The following RAB31 variants were observed in gnomAD, a reference collection of about 807,000 sequenced individuals.
The protein encoded by RAB31 is ras-related protein Rab-31.
Under a neutral mutation model 25.6 loss-of-function variants are expected in RAB31, and 21 were observed. The ratio of observed to expected loss-of-function variants is 0.82; its 90% CI spans 0.58 to 1.18. RAB31 has a LOEUF of 1.18. RAB31 is among the 50% of genes most tolerant of loss of function. The pLI is 0.00. For synonymous variants in RAB31, 87 were observed against 84.0 expected (o/e 1.04, Z -0.20); for missense variants, 196 against 250.1 (o/e 0.78, Z 1.46).
In RAB31 at chr18:9,861,363, A is replaced by G. The variant is rs574909560; in HGVS notation, c.*2038A>G. 2 of 152,300 alleles carry G rather than the reference A, an allele frequency of 1.3e-5. No homozygotes were observed. Among genetic ancestry groups the G allele is most frequent in the East Asian group, 3.9e-4 (2 of 5,180 alleles). The allele number at this position is 152,300 out of a possible 1,614,324, so 9.4% of individuals were successfully genotyped here. Reference sequence around the variant, plus strand: ...TAGTGAGCTACCCACTAATGAGCCCATGGTTTTATTTCAGAAGCACATGAG... The same window carrying G: ...TAGTGAGCTACCCACTAATGAGCCCGTGGTTTTATTTCAGAAGCACATGAG... On this transcript the variant is annotated 3_prime_UTR_variant, in exon 7 of 7. Transcript: ENST00000578921.
At chr18:9,795,680 A>G (rs2068483519) in intron 3 of RAB31, among the ~76,000 whole-genome samples, 1 of 152,214 alleles carries the variant, frequency 6.6e-6, no homozygotes, top group Admixed American at 6.5e-5. Context: ...AAACCACAAT[A>G]TGATACGGCC....
intron 3 of RAB31, among the ~76,000 whole-genome samples, chr18:9,796,714 T>C (rs1422591081): frequency 3.3e-5 from 5 of 152,144 alleles, no homozygotes; most frequent in Admixed American, 2.6e-4. Context: ...CACTTTTTTC[T>C]TGAGTAATTT....
intron 6 of RAB31, among the ~76,000 whole-genome samples, chr18:9,853,963 C>CTTTTTTTTTTT (rs11376519): frequency 3.1e-5 from 4 of 130,802 alleles, no homozygotes; most frequent in Admixed American, 7.5e-5. Flanking sequence ...CTTTTCTTTT[C>CTTTTTTTTTTT]TTTTTTTTTT....
intron 5 of RAB31, among the ~76,000 whole-genome samples, chr18:9,825,700 C>G (rs2068646482): frequency 6.6e-6 from 1 of 152,220 alleles, no homozygotes; most frequent in African/African-American, 2.4e-5. Context: ...ATCCTGGCAT[C>G]TGTACAGGTC....
intron 2 of RAB31, among the ~76,000 whole-genome samples, chr18:9,789,761 G>A (rs1043310479): frequency 1.3e-5 from 2 of 152,070 alleles, no homozygotes; most frequent in Admixed American, 6.6e-5. Context: ...AGGTCTCCCC[G>A]GTAGTCTGGA....
At chr18:9,804,301 C>G (rs1246251326) in intron 3 of RAB31, among the ~76,000 whole-genome samples, 1 of 152,200 alleles carries the variant, frequency 6.6e-6, no homozygotes, top group Admixed American at 6.5e-5. Flanking sequence ...TAGATGAACA[C>G]CTTCCCAGGT....
intron 1 of RAB31, among the ~76,000 whole-genome samples, chr18:9,765,154 TG>T (rs2068309267): frequency 6.6e-6 from 1 of 152,180 alleles, no homozygotes; most frequent in South Asian, 2.1e-4. Flanking sequence ...GGTTTTGCCA[TG>T]TTGGCCAGGC....
chr18:9,804,548 A>C (rs733568), intron 3 of RAB31, among the ~76,000 whole-genome samples: 60,925 of 151,452 alleles, frequency 0.4, 12,263 homozygotes, highest in South Asian at 0.44. Flanking sequence ...CCTCCCTTCC[A>C]CTCCCTTTCC....
At chr18:9,709,200 G>A (rs1210049738) in intron 1 of RAB31, among the ~76,000 whole-genome samples, 1 of 152,172 alleles carries the variant, frequency 6.6e-6, no homozygotes, top group Non-Finnish European at 1.5e-5. Flanking sequence ...CAGTCAATCC[G>A]TGCGGCCCGG....
At position 9,760,736 on chromosome 18, in the gene RAB31, A is replaced by G. The variant is rs564476599; in HGVS notation, c.40-14542A>G. Among the ~76,000 whole-genome samples, 15 of 152,252 alleles carry G rather than the reference A, an allele frequency of 9.9e-5. 1 individual carries two copies. The highest frequency in any genetic ancestry group is 3.6e-4 in the African/African-American group (15 of 41,550). On this transcript the variant is annotated intron_variant, in intron 1 of 6. Transcript: ENST00000578921. ...CCTGTTTCGCCTAACATGTCTTGTC[A>G]CAGTTCCCAAGGCCCCCGCTAAGGA... is the stretch of plus-strand genomic sequence containing the variant.
chr18:9,783,377 C>G (rs985801394), intron 2 of RAB31, among the ~76,000 whole-genome samples: 2 of 152,120 alleles, frequency 1.3e-5, no homozygotes, highest in African/African-American at 4.8e-5. Context: ...TTGGTTCCCC[C>G]CCCTTACCTG....
At chr18:9,726,863 AAAT>A (rs1290254857) in intron 1 of RAB31, among the ~76,000 whole-genome samples, 3 of 152,200 alleles carry the variant, frequency 2.0e-5, no homozygotes, top group African/African-American at 7.2e-5. Context: ...CTGGGTCAAG[AAAT>A]AATGTTACCA....
At chr18:9,769,731 T>C (rs1350205939) in intron 1 of RAB31, among the ~76,000 whole-genome samples, 3 of 152,212 alleles carry the variant, frequency 2.0e-5, no homozygotes, top group Non-Finnish European at 4.4e-5. Context: ...CTATGCTGAA[T>C]AGGAGTGGTG....
intron 1 of RAB31, among the ~76,000 whole-genome samples, chr18:9,770,047 T>C (rs1010535857): frequency 4.6e-5 from 7 of 152,196 alleles, no homozygotes; most frequent in African/African-American, 1.4e-4. Context: ...GCCAACTTGA[T>C]TGTGGTGGAT....
At chr18:9,783,202 C>G (rs1411448387) in intron 2 of RAB31, among the ~76,000 whole-genome samples, 1 of 152,116 alleles carries the variant, frequency 6.6e-6, no homozygotes, top group African/African-American at 2.4e-5. Flanking sequence ...CTACAAACAC[C>G]TTCTATTCAA....
At chr18:9,772,222 C>T (rs941945732) in intron 1 of RAB31, among the ~76,000 whole-genome samples, 1 of 152,096 alleles carries the variant, frequency 6.6e-6, no homozygotes, top group Non-Finnish European at 1.5e-5. Context: ...GCGCCCCCAC[C>T]GAGAAGATGC....
chr18:9,802,618 C>T (rs969990656), intron 3 of RAB31, among the ~76,000 whole-genome samples: 1 of 152,204 alleles, frequency 6.6e-6, no homozygotes, highest in Non-Finnish European at 1.5e-5. Context: ...GGAGATCTGG[C>T]CACCCCAGGC....
At chr18:9,812,720 T>TA (rs1225914537) in intron 3 of RAB31, among the ~76,000 whole-genome samples, 1 of 117,094 alleles carries the variant, frequency 8.5e-6, no homozygotes, top group African/African-American at 3.3e-5. Flanking sequence ...TTTTTTGAGA[T>TA]AAAGTCTCAC....
intron 5 of RAB31, among the ~76,000 whole-genome samples, chr18:9,835,956 T>A (rs547734676): frequency 6.6e-6 from 1 of 152,196 alleles, no homozygotes; most frequent in Admixed American, 6.5e-5. Flanking sequence ...GAACGGGGCC[T>A]GCTGTGAGAA....
Sources: allele counts gnomAD v4.1 joint callset (sites outside exome capture counted in the v4.1 genomes callset), GRCh38; gene constraint gnomAD v4.1.1; transcripts MANE v1.5; gene names NCBI Gene and HGNC (gene_info 2026-07-23, HGNC 2026-07-21).